Variants in SV2C observed in about 807,000 individuals in gnomAD.
SV2C encodes solute carrier family 22 member B3.
SV2C carries 49 observed loss-of-function variants against 79.7 expected under a neutral mutation model. The observed-to-expected ratio is 0.61, with a 90% CI of 0.49 to 0.78. SV2C has a LOEUF of 0.78. SV2C is among the 30% of genes least tolerant of loss of function. The probability of loss-of-function intolerance (pLI) is 0.00; values close to 1 mark genes in which losing one functional copy is unlikely to be tolerated. For missense variants in SV2C, 833 were observed against 912.9 expected (o/e 0.91, Z 1.13); for synonymous variants, 334 against 333.2 (o/e 1.00, Z -0.03).
chr5:76,229,062 A>C (rs10067782), intron 4 of SV2C, among the ~76,000 whole-genome samples: 29,968 of 152,160 alleles, frequency 0.2, 4,466 homozygotes, highest in African/African-American at 0.42. Flanking sequence ...TCCCCTGCCC[A>C]CAAAACGTGT....
the SV2C span, among the ~76,000 whole-genome samples, chr5:75,962,507 A>G: frequency 6.6e-6 from 1 of 152,280 alleles, no homozygotes; most frequent in South Asian, 2.1e-4. Context: ...CAGAACTTCA[A>G]GTAACATTGT....
the SV2C span, among the ~76,000 whole-genome samples, chr5:76,032,347 C>G: frequency 2.9e-4 from 44 of 152,252 alleles, no homozygotes; most frequent in African/African-American, 1.0e-3. Flanking sequence ...GCTGCACCCA[C>G]TAACTCGGCA....
the SV2C span, among the ~76,000 whole-genome samples, chr5:76,034,691 G>C: frequency 6.6e-6 from 1 of 152,204 alleles, no homozygotes; most frequent in African/African-American, 2.4e-5. Flanking sequence ...GTTCATCAAA[G>C]ATATTGGTCT....
At position 76,228,034 on chromosome 5, in the gene SV2C, G is replaced by A. The variant is rs118144148; in HGVS notation, c.913+18147G>A. Among the ~76,000 whole-genome samples, 328 of 152,072 alleles carry A rather than the reference G, an allele frequency of 2.2e-3. 12 individuals are homozygous for A. In the East Asian group the frequency reaches 0.062, roughly 29 times the overall value. ...TAATTGAAATGGTTCTCAGGCTTCT[G>A]GGGTTCTTTCTCTCTATCTCTCTCT... On this transcript the variant is annotated intron_variant, in intron 4 of 12. Transcript: ENST00000502798.
the SV2C span, among the ~76,000 whole-genome samples, chr5:75,999,348 A>AGG: frequency 7.1e-6 from 1 of 139,936 alleles, no homozygotes; most frequent in Non-Finnish European, 1.6e-5. Context: ...AGAGAGAGAG[A>AGG]AGGAGTGGGG....
the SV2C span, among the ~76,000 whole-genome samples, chr5:76,058,180 G>A: frequency 6.6e-6 from 1 of 152,156 alleles, no homozygotes; most frequent in Admixed American, 6.5e-5. Context: ...GTGAGAGGAG[G>A]GGCACCCAAG....
chr5:75,876,980 C>A, the SV2C span, among the ~76,000 whole-genome samples: 1 of 151,968 alleles, frequency 6.6e-6, no homozygotes, highest in Non-Finnish European at 1.5e-5. Context: ...TGGATTATAT[C>A]ACCCAATCAA....
chr5:76,001,930 G>C, the SV2C span, among the ~76,000 whole-genome samples: 3 of 152,038 alleles, frequency 2.0e-5, no homozygotes, highest in African/African-American at 7.2e-5. Context: ...CCAACATGTA[G>C]TCTTTTATTC....
chr5:75,886,928 C>T, the SV2C span, among the ~76,000 whole-genome samples: 141 of 152,190 alleles, frequency 9.3e-4, 1 homozygote, highest in Non-Finnish European at 1.8e-3. Context: ...AATCCTGAGT[C>T]CCAGAAATTC....
chr5:76,273,215 T>C (rs1473407148), intron 4 of SV2C, among the ~76,000 whole-genome samples: 2 of 150,194 alleles, frequency 1.3e-5, no homozygotes, highest in Non-Finnish European at 3.0e-5. Context: ...TGACCTATAC[T>C]ATCATAACAT....
At chr5:76,070,614 T>C in the SV2C span, among the ~76,000 whole-genome samples, 3 of 152,180 alleles carry the variant, frequency 2.0e-5, no homozygotes, top group Non-Finnish European at 4.4e-5. Context: ...GGAAGGGTGG[T>C]ATGTAGAAGG....
intron 12 of SV2C, among the ~76,000 whole-genome samples, chr5:76,340,780 T>C (rs754389404): frequency 6.6e-6 from 1 of 152,180 alleles, no homozygotes; most frequent in Non-Finnish European, 1.5e-5. Context: ...TAAAATTTTT[T>C]ATTATTTTTC....
chr5:75,965,930 T>C, the SV2C span, among the ~76,000 whole-genome samples: 1 of 152,224 alleles, frequency 6.6e-6, no homozygotes, highest in Non-Finnish European at 1.5e-5. Flanking sequence ...ACATTCACTA[T>C]AAATTCTTTT....
intron 12 of SV2C, among the ~76,000 whole-genome samples, chr5:76,316,803 C>T (rs964113139): frequency 6.6e-6 from 1 of 152,128 alleles, no homozygotes; most frequent in African/African-American, 2.4e-5. Flanking sequence ...GTCCAGCCCC[C>T]CTGAGAAGCT....
At chr5:75,861,164 G>C in the SV2C span, among the ~76,000 whole-genome samples, 1 of 152,044 alleles carries the variant, frequency 6.6e-6, no homozygotes, top group South Asian at 2.1e-4. Context: ...AAGTGGGCAA[G>C]AAACATGAAC....
At chr5:76,162,763 C>T (rs1391872823) in intron 2 of SV2C, among the ~76,000 whole-genome samples, 2 of 152,186 alleles carry the variant, frequency 1.3e-5, no homozygotes, top group African/African-American at 4.8e-5. Context: ...TGAAAACTGA[C>T]TTGCTTGATC....
intron 4 of SV2C, among the ~76,000 whole-genome samples, chr5:76,229,641 A>C (rs1469791361): frequency 6.6e-6 from 1 of 152,234 alleles, no homozygotes; most frequent in Non-Finnish European, 1.5e-5. Context: ...TCCTGTTTAG[A>C]CAGGGCAAGA....
the SV2C span, chr5:75,921,361 TG>T: frequency 1.5e-5 from 14 of 961,824 alleles, no homozygotes; most frequent in South Asian, 1.3e-4. Flanking sequence ...TGCTGTCCTT[TG>T]GGGGGTGCTG....
intron 4 of SV2C, among the ~76,000 whole-genome samples, chr5:76,275,868 A>ATGTCTTAACATTTGAG (rs1414875719): frequency 3.3e-5 from 5 of 152,234 alleles, no homozygotes; most frequent in African/African-American, 1.2e-4. Context: ...TGACATTTGA[A>ATGTCTTAACATTTGAG]TGTCTTAACA....
Sources: allele counts gnomAD v4.1 joint callset (sites outside exome capture counted in the v4.1 genomes callset), GRCh38; gene constraint gnomAD v4.1.1; transcripts MANE v1.5; gene names NCBI Gene and HGNC (gene_info 2026-07-23, HGNC 2026-07-21).